Variants in HEPH observed in about 807,000 individuals in gnomAD.
HEPH encodes hephaestin.
In HEPH, 69 loss-of-function variants were observed where a neutral mutation model predicts 80.8. The observed-to-expected ratio is 0.85, with a 90% CI of 0.70 to 1.04. The LOEUF is 1.04. Among genes scored for constraint, HEPH ranks in the 50% least tolerant of loss-of-function variants. The probability of loss-of-function intolerance (pLI) is 0.00; values close to 1 mark genes in which losing one functional copy is unlikely to be tolerated. For missense variants in HEPH, 1,115 were observed against 891.3 expected, an observed-to-expected ratio of 1.25 and a Z score of -3.20; for synonymous variants, 431 against 322.8, an observed-to-expected ratio of 1.34 and a Z score of -3.60.
intron 15 of HEPH, among the ~76,000 whole-genome samples, chrX:66,220,113 C>T (rs1258947109): frequency 9.0e-6 from 1 of 111,022 alleles, no homozygotes; most frequent in Non-Finnish European, 1.9e-5. Context: ...TCTTTTGAGC[C>T]AGGAATTCAT....
intron 5 of HEPH, among the ~76,000 whole-genome samples, chrX:66,189,119 T>C (rs2087654906): frequency 8.9e-6 from 1 of 112,302 alleles, no homozygotes; most frequent in African/African-American, 3.2e-5. Context: ...GTTTTGTTTT[T>C]GTTTCATTAA....
chrX:66,222,012 A>G (rs1182875462), intron 15 of HEPH, among the ~76,000 whole-genome samples: 1 of 112,688 alleles, frequency 8.9e-6, no homozygotes, highest in Non-Finnish European at 1.9e-5. Context: ...GGACTAATGT[A>G]CAAGTGCCAC....
intron 15 of HEPH, among the ~76,000 whole-genome samples, chrX:66,227,563 G>A (rs943935266): frequency 8.9e-6 from 1 of 111,972 alleles, no homozygotes; most frequent in Non-Finnish European, 1.9e-5. Context: ...ACTGGTAAAT[G>A]AATTCAGCAA....
At chrX:66,199,062 A>G in intron 11 of HEPH, 34 bp downstream of exon 11, 1 of 1,170,158 alleles carries the variant, frequency 8.5e-7, no homozygotes, top group South Asian at 1.8e-5. Flanking sequence ...GGCTAAATTG[A>G]GGGTCCCAAG....
In HEPH at chrX:66,185,920, C is replaced by G. The variant is rs1161723379; in HGVS notation, c.626-2439C>G. Among the ~76,000 whole-genome samples the G allele has an allele frequency of 4.5e-4, 3 of 6,669 alleles. No individual in the cohort carries two copies. The East Asian group carries it at 4.8e-3, about 11-fold the overall frequency. The allele number at this position is 6,669 out of a possible 115,157, so 5.8% of individuals were successfully genotyped here. A position where few individuals can be genotyped will look rare whatever the true frequency, so the allele number is the denominator to read the frequency against. On this transcript the variant is annotated intron_variant, in intron 4 of 20. Transcript: ENST00000343002. The stretch of plus-strand genomic sequence containing the variant: ...TTCTGTTTGTTAGTTTTCCTTCTAA[C>G]AGACAGGACCCTCAGCTGCAGGTCT...
chrX:66,194,991 T>G lies in HEPH; in HGVS notation c.1370-107T>G. ...TATTACAAAGAAAAGTTTTTTATTT[T>G]CTTCTTCACTTTCACTTTCCTTTTC... On this transcript the variant is annotated intron_variant, in intron 8 of 20. Coordinates refer to ENST00000343002, the MANE Select transcript of HEPH (RefSeq NM_001367233.3). 4 of 649,775 alleles carry G rather than the reference T, an allele frequency of 6.2e-6. No homozygotes were observed. The South Asian group carries it at 2.2e-4, about 36-fold the overall frequency. The allele number at this position is 649,775 out of a possible 1,213,427, so 53.5% of individuals were successfully genotyped here.
chrX:66,180,943 C>A (rs1392941169), intron 4 of HEPH, among the ~76,000 whole-genome samples: 1 of 99,908 alleles, frequency 1.0e-5, no homozygotes, highest in Non-Finnish European at 2.0e-5. Context: ...TGAGAATATG[C>A]GGTATTTGGT....
At chrX:66,178,097 C>G (rs2086894402) in intron 4 of HEPH, among the ~76,000 whole-genome samples, 1 of 111,055 alleles carries the variant, frequency 9.0e-6, no homozygotes, top group African/African-American at 3.3e-5. Context: ...CTCCCACATC[C>G]CCCCACCCCA....
chrX:66,266,276 C>T (rs897116896), intron 20 of HEPH, among the ~76,000 whole-genome samples, 164 bp from the exon 21 acceptor site: 1 of 110,869 alleles, frequency 9.0e-6, no homozygotes, highest in African/African-American at 3.3e-5. Flanking sequence ...TTTCTTGATT[C>T]TCTAACCTCT....
chrX:66,192,065 G>T, intron 6 of HEPH, 65 bp from the exon 7 acceptor site: 2 of 1,060,742 alleles, frequency 1.9e-6, no homozygotes, highest in Non-Finnish European at 2.6e-6. Context: ...GAAGGAGGAA[G>T]GTGAGTCCTC....
At chrX:66,202,431 A>G (rs919687631) in intron 12 of HEPH, among the ~76,000 whole-genome samples, 1 of 111,661 alleles carries the variant, frequency 9.0e-6, no homozygotes, top group African/African-American at 3.3e-5. Context: ...AATGAGAGTA[A>G]TGTTCTAAGA....
chrX:66,173,468 T>G (rs936044609), intron 3 of HEPH, 121 bp from the exon 4 acceptor site: 1 of 480,500 alleles, frequency 2.1e-6, no homozygotes, highest in African/African-American at 2.4e-5. Context: ...TGTAGGTCAT[T>G]AGCATGCTAC....
At chrX:66,251,257 A>C (rs1284077627) in intron 15 of HEPH, among the ~76,000 whole-genome samples, 1 of 111,848 alleles carries the variant, frequency 8.9e-6, no homozygotes, top group Non-Finnish European at 1.9e-5. Context: ...GGGGATATTT[A>C]ACTTTATAAG....
intron 3 of HEPH, among the ~76,000 whole-genome samples, chrX:66,173,275 T>C (rs757198753): frequency 1.0e-3 from 114 of 112,341 alleles, no homozygotes; most frequent in African/African-American, 3.6e-3. Context: ...AATTCTGTCT[T>C]CTTGCTTCTA....
intron 15 of HEPH, among the ~76,000 whole-genome samples, chrX:66,253,276 C>T (rs1316648111): frequency 1.8e-5 from 2 of 111,684 alleles, no homozygotes; most frequent in Non-Finnish European, 3.8e-5. Flanking sequence ...AAACCCATAA[C>T]CCAATTTAAA....
intron 15 of HEPH, among the ~76,000 whole-genome samples, chrX:66,237,683 T>C (rs2090418245): frequency 8.9e-6 from 1 of 112,240 alleles, no homozygotes; most frequent in African/African-American, 3.2e-5. Flanking sequence ...TTTGTTCATT[T>C]TCTGCCTCAG....
intron 15 of HEPH, among the ~76,000 whole-genome samples, chrX:66,237,627 C>G (rs2090415159): frequency 8.9e-6 from 1 of 112,046 alleles, no homozygotes; most frequent in Admixed American, 9.5e-5. Context: ...ATGTAGATTT[C>G]TATCAAGTCC....
At chrX:66,226,462 A>G (rs940280247) in intron 15 of HEPH, among the ~76,000 whole-genome samples, 3 of 112,397 alleles carry the variant, frequency 2.7e-5, no homozygotes, top group African/African-American at 9.7e-5. Context: ...GCAGAACTAA[A>G]TACAACTGAA....
At chrX:66,186,365 C>T (rs1261307141) in intron 4 of HEPH, among the ~76,000 whole-genome samples, 1 of 109,927 alleles carries the variant, frequency 9.1e-6, no homozygotes, top group Non-Finnish European at 1.9e-5. Flanking sequence ...ATTCCGTGGG[C>T]GTAGGACCCT....
Sources: gnomAD v4.1 joint callset for allele counts (sites outside exome capture counted in the v4.1 genomes callset) on GRCh38, gnomAD v4.1.1 for gene constraint, MANE v1.5 for transcripts, NCBI Gene and HGNC (gene_info 2026-07-23, HGNC 2026-07-21) for gene names.